RNFT2: variants seen among roughly 807,000 people sequenced by gnomAD.
RNFT2 encodes the protein E3 ubiquitin-protein ligase RNFT2.
RNFT2 carries 36 observed loss-of-function variants against 53.0 expected under a neutral mutation model. The ratio of observed to expected loss-of-function variants is 0.68; its 90% CI spans 0.52 to 0.90. The LOEUF (loss-of-function observed/expected upper bound fraction) is 0.90, where lower values mean the gene tolerates loss of function less well. RNFT2 is among the 40% of genes least tolerant of loss of function. RNFT2 has a pLI of 0.00. For missense variants in RNFT2, 514 were observed against 585.6 expected (o/e 0.88, Z 1.26); for synonymous variants, 260 against 253.2 (o/e 1.03, Z -0.26).
rs543145519 is a variant in RNFT2, at chr12:116,834,069, A to G, written c.1032+128A>G. The G allele has an allele frequency of 6.0e-5, 43 of 720,008 alleles. 2 individuals are homozygous for G. The South Asian group carries it at 2.0e-3, about 33-fold the overall frequency. 44.6% of individuals were successfully genotyped at this position (720,008 alleles called of 1,614,324 possible). A position where few individuals can be genotyped will look rare whatever the true frequency, so the allele number is the denominator to read the frequency against. ...TTTATTTATTTATTTTAATTGAGGG[A>G]AAATTCATACGACATGAAATTAACC... On this transcript the variant is annotated intron_variant, in intron 8 of 10. Transcript: ENST00000257575.
At chr12:116,810,828 G>C (rs73220465) in intron 7 of RNFT2, among the ~76,000 whole-genome samples, 11,543 of 152,194 alleles carry the variant, frequency 0.076, 613 homozygotes, top group Non-Finnish European at 0.11. Flanking sequence ...ATTGGGGTAG[G>C]GGGGACTACC....
At chr12:116,839,046 A>G (rs1877116979) in intron 10 of RNFT2, among the ~76,000 whole-genome samples, 1 of 152,216 alleles carries the variant, frequency 6.6e-6, no homozygotes, top group South Asian at 2.1e-4. Flanking sequence ...CTTGGTTGCG[A>G]TGTTGCTTCC....
chr12:116,800,252 A>G (rs1206902478), intron 7 of RNFT2, among the ~76,000 whole-genome samples: 2 of 143,534 alleles, frequency 1.4e-5, no homozygotes, highest in Non-Finnish European at 3.1e-5. Flanking sequence ...ATCCCTGCAC[A>G]TTGGGAGGCC....
intron 7 of RNFT2, among the ~76,000 whole-genome samples, chr12:116,798,076 C>T (rs60679444): frequency 0.12 from 17,486 of 152,020 alleles, 2,386 homozygotes; most frequent in African/African-American, 0.31. Flanking sequence ...CTCACTAGGA[C>T]GGGCCCTGGT....
chr12:116,849,594 G>T lies in RNFT2; in HGVS notation c.*146G>T. ...CCTCTGACCCCAAAGTCCCGCCCCT[G>T]TCTTGTCCTTCTGACCTTCATCTTC... On this transcript the variant is annotated 3_prime_UTR_variant, in exon 11 of 11. Coordinates refer to ENST00000257575, the MANE Select transcript of RNFT2 (RefSeq NM_001382266.1). 7.1e-7 allele frequency: 1 copy of T among 1,409,530 alleles called. No individual in the cohort carries two copies. The allele number at this position is 1,409,530 out of a possible 1,614,324, so 87.3% of individuals were successfully genotyped here. A position where few individuals can be genotyped will look rare whatever the true frequency, so the allele number is the denominator to read the frequency against.
intron 6 of RNFT2, among the ~76,000 whole-genome samples, chr12:116,767,943 C>G (rs1483207819): frequency 6.6e-6 from 1 of 152,094 alleles, no homozygotes; most frequent in Non-Finnish European, 1.5e-5. Context: ...CATGTCAGTT[C>G]CAACTAACCA....
intron 7 of RNFT2, among the ~76,000 whole-genome samples, chr12:116,794,972 T>C (rs1188718602): frequency 3.3e-5 from 5 of 151,956 alleles, no homozygotes; most frequent in African/African-American, 9.7e-5. Context: ...TGAAACTTGG[T>C]TTTATATTAA....
chr12:116,811,245 AAAAG>A (rs1875356954), intron 7 of RNFT2, among the ~76,000 whole-genome samples: 1 of 152,212 alleles, frequency 6.6e-6, no homozygotes, highest in African/African-American at 2.4e-5. Context: ...TTTCAAAAAA[AAAAG>A]AAATATTCCT....
In RNFT2 at chr12:116,750,072, C is replaced by T. The variant is rs755410798; in HGVS notation, c.315C>T (p.Gly105=). ...REEGGGRGEG[G]AYHHRQPHHH... is the part of the protein sequence containing the mutation. ...AAGGAGGGGGCCGGGGCGAGGGGGG[C>T]GCCTACCACCACCGCCAGCCCCACC... Residue 105 remains glycine (G), a synonymous_variant, in exon 4 of 11, where the codon GGC becomes GGT. Transcript: ENST00000257575. 1.0e-5 allele frequency: 16 copies of T among 1,545,254 alleles called. No homozygotes were observed. The highest frequency in any genetic ancestry group is 4.8e-5 in the East Asian group (2 of 41,556).
chr12:116,757,070 A>G (rs1437401871), intron 5 of RNFT2, among the ~76,000 whole-genome samples: 1 of 152,156 alleles, frequency 6.6e-6, no homozygotes, highest in Admixed American at 6.5e-5. Context: ...GTATTTTTCC[A>G]GGAATTTATC....
intron 6 of RNFT2, among the ~76,000 whole-genome samples, chr12:116,773,163 T>A (rs1487803605): frequency 6.6e-6 from 1 of 152,030 alleles, no homozygotes; most frequent in Non-Finnish European, 1.5e-5. Context: ...GGTTTCACCA[T>A]GTTGGCCAGG....
intron 7 of RNFT2, among the ~76,000 whole-genome samples, chr12:116,799,371 G>A (rs1388012273): frequency 1.3e-5 from 2 of 152,130 alleles, no homozygotes; most frequent in Non-Finnish European, 2.9e-5. Flanking sequence ...CCAACTAAAG[G>A]GTAACTGATT....
At chr12:116,842,149 C>G (rs895396936) in intron 10 of RNFT2, among the ~76,000 whole-genome samples, 2 of 151,162 alleles carry the variant, frequency 1.3e-5, no homozygotes, top group African/African-American at 4.9e-5. Flanking sequence ...TCCTAATGGG[C>G]TGTGAAATTG....
At chr12:116,806,397 T>TATAGATAGATAGATAG (rs71095599) in intron 7 of RNFT2, among the ~76,000 whole-genome samples, 14 of 131,660 alleles carry the variant, frequency 1.1e-4, no homozygotes, top group African/African-American at 3.3e-4. Flanking sequence ...TATATATATA[T>TATAGATAGATAGATAG]ATAGATAGAT....
At chr12:116,780,591 G>A (rs1255981079) in intron 7 of RNFT2, among the ~76,000 whole-genome samples, 2 of 151,834 alleles carry the variant, frequency 1.3e-5, no homozygotes, top group Admixed American at 1.3e-4. Context: ...CAAAATCCTA[G>A]GCTGTTGAGG....
intron 7 of RNFT2, among the ~76,000 whole-genome samples, chr12:116,811,963 A>G (rs1229801915): frequency 1.3e-5 from 2 of 152,014 alleles, no homozygotes; most frequent in Non-Finnish European, 2.9e-5. Flanking sequence ...CTAGCTATAT[A>G]CCCTCGGGTG....
chr12:116,832,364 ACATT>A (rs1446602949), intron 7 of RNFT2, among the ~76,000 whole-genome samples: 1 of 151,990 alleles, frequency 6.6e-6, no homozygotes, highest in African/African-American at 2.4e-5. Flanking sequence ...AATGTTTGTG[ACATT>A]CACCCATGTC....
At chr12:116,827,169 G>A (rs1429220206) in intron 7 of RNFT2, among the ~76,000 whole-genome samples, 11 of 148,906 alleles carry the variant, frequency 7.4e-5, no homozygotes, top group Admixed American at 1.3e-4. Context: ...GCAGTGAGCC[G>A]AGATCATGCC....
At chr12:116,798,671 T>A (rs1874623830) in intron 7 of RNFT2, among the ~76,000 whole-genome samples, 1 of 152,128 alleles carries the variant, frequency 6.6e-6, no homozygotes, top group Admixed American at 6.6e-5. Context: ...CAGGCTGAAG[T>A]GATTCTCCCG....
Sources: allele counts gnomAD v4.1 joint callset (sites outside exome capture counted in the v4.1 genomes callset), GRCh38; gene constraint gnomAD v4.1.1; transcripts MANE v1.5; gene names NCBI Gene and HGNC (gene_info 2026-07-23, HGNC 2026-07-21).